The following ADAM19 variants were observed in gnomAD, a reference collection of about 807,000 sequenced individuals.
ADAM19 encodes the protein ADAM metallopeptidase domain 19.
A neutral mutation model predicts 114.7 loss-of-function variants in ADAM19; 65 were observed. The ratio of observed to expected loss-of-function variants is 0.57; its 90% confidence interval spans 0.46 to 0.70. The LOEUF is 0.70. ADAM19 is among the 30% of genes least tolerant of loss of function. ADAM19 has a pLI of 0.00. For synonymous variants in ADAM19, 466 were observed against 460.5 expected, an observed-to-expected ratio of 1.01 and a Z score of -0.15; for missense variants, 1,063 against 1,204.7, an observed-to-expected ratio of 0.88 and a Z score of 1.74.
rs1754675831 is a variant in ADAM19 at position 157,479,126 on chromosome 5, C to A, written c.*1823G>T. The A allele has an allele frequency of 3.0e-6, 3 of 985,798 alleles. No individual in the cohort carries two copies. Among genetic ancestry groups the A allele is most frequent in the Non-Finnish European group, 3.6e-6 (3 of 829,986 alleles). The allele number at this position is 985,798 out of a possible 1,614,324, so 61.1% of individuals were successfully genotyped here. ...TCTCCACAGCAAGGATGACCCACAGCAAGGATGACCCACGGCAAGGACATG... is the reference window on the plus strand; with the variant it reads ...TCTCCACAGCAAGGATGACCCACAGAAAGGATGACCCACGGCAAGGACATG... On this transcript the variant is annotated 3_prime_UTR_variant, in exon 23 of 23. Coordinates refer to ENST00000257527, the MANE Select transcript of ADAM19 (RefSeq NM_033274.5).
chr5:157,534,747 G>A (rs886702812), intron 4 of ADAM19, among the ~76,000 whole-genome samples: 6 of 152,166 alleles, frequency 3.9e-5, no homozygotes, highest in African/African-American at 1.4e-4. Flanking sequence ...ACAATCTTAT[G>A]AGGCAGATAT....
chr5:157,490,891 C>CAAAAAAAAA (rs34600745), intron 18 of ADAM19, among the ~76,000 whole-genome samples: 2 of 110,330 alleles, frequency 1.8e-5, no homozygotes, highest in African/African-American at 3.6e-5. Flanking sequence ...GACTCCGTCT[C>CAAAAAAAAA]AAAAAAAAAA....
intron 11 of ADAM19, among the ~76,000 whole-genome samples, chr5:157,503,517 C>G (rs1755635051): frequency 6.6e-6 from 1 of 151,982 alleles, no homozygotes; most frequent in African/African-American, 2.4e-5. Flanking sequence ...TTCTTTCATC[C>G]TTAGTGATGA....
At chr5:157,532,067 C>T (rs1756640477) in intron 4 of ADAM19, among the ~76,000 whole-genome samples, 1 of 152,238 alleles carries the variant, frequency 6.6e-6, no homozygotes, top group African/African-American at 2.4e-5. Flanking sequence ...GCTCAAGATG[C>T]TCTTTCACAC....
Position 157,488,471 on chromosome 5 carries a change from T to A in ADAM19, c.2344A>T (p.Ile782Phe). Residue 782 changes from isoleucine (I) to phenylalanine (F), a missense_variant, in exon 21 of 23, where the codon ATC becomes TTC. Around this residue, in one of 3 missense-constraint regions of ADAM19, gnomAD observed 424 missense variants for 445.5 expected, o/e 0.95. Coordinates refer to ENST00000257527, the MANE Select transcript of ADAM19 (RefSeq NM_033274.5). ...GGAGGCTGGGAGGGCTTCCGCAGGA[T>A]TTCCGGAGTGTTGATCACCTGTACG... is the stretch of plus-strand genomic sequence containing the variant. ...GKRKVINTPE[I>F]LRKPSQPPPR... is the part of the protein sequence containing the mutation. 6.2e-7 allele frequency: 1 copy of A among 1,604,508 alleles called. No individual in the cohort carries two copies. Among genetic ancestry groups the A allele is most frequent in the Non-Finnish European group, 8.5e-7 (1 of 1,174,604 alleles).
chr5:157,500,926 G>A (rs192286466), intron 12 of ADAM19, among the ~76,000 whole-genome samples: 20 of 152,298 alleles, frequency 1.3e-4, no homozygotes, highest in Middle Eastern at 6.8e-3. Flanking sequence ...CCATTCCACA[G>A]ACAGGGATGC....
At chr5:157,524,470 T>C (rs542161412) in intron 5 of ADAM19, among the ~76,000 whole-genome samples, 1 of 152,362 alleles carries the variant, frequency 6.6e-6, no homozygotes, top group East Asian at 1.9e-4. Flanking sequence ...CCAAATGCAT[T>C]CTTCAAGGAA....
At chr5:157,502,733 C>A in intron 12 of ADAM19, 70 bp downstream of exon 12, 3 of 1,542,586 alleles carry the variant, frequency 1.9e-6, no homozygotes, top group Non-Finnish European at 2.7e-6. Flanking sequence ...CAATTGTGTT[C>A]TCTTTGACCT....
At chr5:157,546,347 A>G (rs1310549844) in intron 3 of ADAM19, among the ~76,000 whole-genome samples, 2 of 152,202 alleles carry the variant, frequency 1.3e-5, no homozygotes, top group Non-Finnish European at 2.9e-5. Flanking sequence ...TGTTGAGAGC[A>G]GAGAGCAAGG....
At chr5:157,501,392 T>C (rs914928682) in intron 12 of ADAM19, among the ~76,000 whole-genome samples, 1 of 152,242 alleles carries the variant, frequency 6.6e-6, no homozygotes, top group Non-Finnish European at 1.5e-5. Flanking sequence ...GCACTTGCCA[T>C]GGACTGTACA....
At chr5:157,490,134 A>G (rs953007699) in intron 19 of ADAM19, among the ~76,000 whole-genome samples, 176 bp downstream of exon 19, 2 of 152,238 alleles carry the variant, frequency 1.3e-5, no homozygotes, top group Non-Finnish European at 2.9e-5. Flanking sequence ...AGTACTTACA[A>G]TAAGATCAAC....
At chr5:157,502,069 A>AT (rs113897301) in intron 12 of ADAM19, among the ~76,000 whole-genome samples, 20,025 of 151,384 alleles carry the variant, frequency 0.13, 1,607 homozygotes, top group Middle Eastern at 0.2. Flanking sequence ...ATAAAATCAG[A>AT]TTTTTTTTTC....
chr5:157,479,978 A>AGTCTACTG lies in ADAM19; in HGVS notation c.*970_*971insCAGTAGAC. 1 of 985,526 alleles carries AGTCTACTG rather than the reference A, an allele frequency of 1.0e-6. No homozygotes were observed. The highest frequency in any genetic ancestry group is 1.2e-6 in the Non-Finnish European group (1 of 829,854). 61.0% of individuals were successfully genotyped at this position (985,526 alleles called of 1,614,324 possible). ...CATATGACCCCAATGGCCATGCCCCAAGTCTACTCTGGTCACACTCCTGAG... is the reference window on the plus strand; with the variant it reads ...CATATGACCCCAATGGCCATGCCCCAGTCTACTGAGTCTACTCTGGTCACACTCCTGAG... On this transcript the variant is annotated 3_prime_UTR_variant, in exon 23 of 23. Coordinates refer to ENST00000257527, the MANE Select transcript of ADAM19 (RefSeq NM_033274.5).
intron 2 of ADAM19, among the ~76,000 whole-genome samples, chr5:157,567,479 C>G (rs1256696272): frequency 6.6e-6 from 1 of 152,174 alleles, no homozygotes; most frequent in African/African-American, 2.4e-5. Context: ...GCATCAGGGA[C>G]CCCAGCTCCA....
chr5:157,529,910 C>G (rs1756575753), intron 5 of ADAM19, among the ~76,000 whole-genome samples: 1 of 152,044 alleles, frequency 6.6e-6, no homozygotes, highest in African/African-American at 2.4e-5. Context: ...TGAAAATTAT[C>G]CTTGCCTTTC....
chr5:157,513,377 G>A (rs1236383262), intron 8 of ADAM19, 57 bp downstream of exon 8: 3 of 1,541,058 alleles, frequency 1.9e-6, no homozygotes, highest in Non-Finnish European at 2.7e-6. Context: ...CAGCTCCAGT[G>A]CCCTTGGAAG....
intron 4 of ADAM19, among the ~76,000 whole-genome samples, chr5:157,534,643 G>A (rs1756714246): frequency 6.6e-6 from 1 of 152,184 alleles, no homozygotes; most frequent in African/African-American, 2.4e-5. Context: ...GGGGGACAGA[G>A]CGAGGCCCTA....
chr5:157,483,018 C>T (rs1395952321), intron 21 of ADAM19, among the ~76,000 whole-genome samples: 3 of 151,904 alleles, frequency 2.0e-5, no homozygotes, highest in African/African-American at 7.3e-5. Context: ...AATGAGAACA[C>T]ATGGACACAG....
At position 157,477,760 on chromosome 5, in the gene ADAM19, A is replaced by C. The variant is rs1272591600; in HGVS notation, c.*3189T>G. On this transcript the variant is annotated 3_prime_UTR_variant, in exon 23 of 23. Transcript: ENST00000257527. The stretch of plus-strand genomic sequence containing the variant: ...TCTGTCAAATAAGAATAAATTAGGA[A>C]GTAGGCAGGGAGAGACTTCCAATAA... The C allele has an allele frequency of 7.8e-7, 1 of 1,284,778 alleles. No homozygotes were observed. Among genetic ancestry groups the C allele is most frequent in the South Asian group, 1.2e-5 (1 of 80,886 alleles). 79.6% of individuals were successfully genotyped at this position (1,284,778 alleles called of 1,614,324 possible). A position where few individuals can be genotyped will look rare whatever the true frequency, so the allele number is the denominator to read the frequency against.
Sources: allele counts gnomAD v4.1 joint callset (sites outside exome capture counted in the v4.1 genomes callset), GRCh38; gene constraint gnomAD v4.1.1; regional missense constraint gnomAD v4.1.1; transcripts MANE v1.5; gene names NCBI Gene and HGNC (gene_info 2026-07-23, HGNC 2026-07-21).